ITIH2: variants seen among roughly 807,000 people sequenced by gnomAD.
ITIH2 encodes the protein inter-alpha-trypsin inhibitor heavy chain 2, also known as inter-alpha-trypsin inhibitor heavy chain H2.
ITIH2 carries 103 observed loss-of-function variants against 104.4 expected under a neutral mutation model. The ratio of observed to expected loss-of-function variants is 0.99; its 90% CI spans 0.84 to 1.16. ITIH2 has a LOEUF of 1.16. Among genes scored for constraint, ITIH2 ranks in the 50% most tolerant of loss-of-function variants. The probability of loss-of-function intolerance (pLI) is 0.00; values close to 1 mark genes in which losing one functional copy is unlikely to be tolerated. For missense variants in ITIH2, 1,108 were observed against 1,162.4 expected (o/e 0.95, Z 0.68); for synonymous variants, 436 against 435.4 (o/e 1.00, Z -0.02).
intron 4 of ITIH2, among the ~76,000 whole-genome samples, chr10:7,709,461 C>A (rs1451057726): frequency 1.3e-5 from 2 of 151,960 alleles, no homozygotes; most frequent in South Asian, 2.1e-4. Flanking sequence ...AATATACTTT[C>A]TAGGGAGGAG....
chr10:7,723,690 A>G, intron 9 of ITIH2, 123 bp downstream of exon 9: 1 of 701,836 alleles, frequency 1.4e-6, no homozygotes, highest in Non-Finnish European at 2.5e-6. Flanking sequence ...CTGTGGTTAC[A>G]GACTGCCGGT....
chr10:7,722,790 C>G (rs1834916616), intron 8 of ITIH2, among the ~76,000 whole-genome samples: 1 of 152,190 alleles, frequency 6.6e-6, no homozygotes, highest in African/African-American at 2.4e-5. Flanking sequence ...CTTGCCGAGC[C>G]CTTTACTTCC....
intron 1 of ITIH2, 39 bp from the exon 2 acceptor site, chr10:7,705,069 A>AT: frequency 1.5e-6 from 2 of 1,344,224 alleles, no homozygotes; most frequent in Non-Finnish European, 2.1e-6. Flanking sequence ...TTACAGTATA[A>AT]TTAAAAAAAA....
intron 4 of ITIH2, 57 bp from the exon 5 acceptor site, chr10:7,713,124 G>GAA: frequency 7.2e-7 from 1 of 1,379,602 alleles, no homozygotes; most frequent in Non-Finnish European, 1.0e-6. Flanking sequence ...CATCTCGAGG[G>GAA]GAAAAAAAAA....
chr10:7,705,179 T>G lies in ITIH2; in HGVS notation c.156T>G (p.Tyr52Ter). The G allele has an allele frequency of 6.2e-7, 1 of 1,606,136 alleles. No individual in the cohort carries two copies. Among genetic ancestry groups the G allele is most frequent in the Non-Finnish European group, 8.5e-7 (1 of 1,173,090 alleles). ...AATTGGTGGCAGAGAACCGGAGATATCAGGTATAGTAAGGTTTACTCCCAA... is the reference window on the plus strand; with the variant it reads ...AATTGGTGGCAGAGAACCGGAGATAGCAGGTATAGTAAGGTTTACTCCCAA... ...KFQLVAENRR[Y>*]QRSLPGESEE... Residue 52 changes from tyrosine to a stop codon, truncating the protein, a stop_gained, in exon 2 of 21, where the codon TAT (tyrosine) becomes TAG (stop). Transcript: ENST00000358415. LOFTEE classifies it high-confidence loss of function.
In ITIH2 at chr10:7,703,361, T is replaced by C; in HGVS notation, c.-74T>C. 1 of 964,700 alleles carries C rather than the reference T, an allele frequency of 1.0e-6. No individual in the cohort carries two copies. 59.8% of individuals were successfully genotyped at this position (964,700 alleles called of 1,614,324 possible). ...GTACTCCTCTGCTGTTCCTTTGAACTTGGTTCAGTAGGAAGAAGTGATATC... is the reference window on the plus strand; with the variant it reads ...GTACTCCTCTGCTGTTCCTTTGAACCTGGTTCAGTAGGAAGAAGTGATATC... On this transcript the variant is annotated 5_prime_UTR_variant, in exon 1 of 21. Transcript: ENST00000358415.
chr10:7,739,319 C>G (rs183366686), intron 16 of ITIH2, among the ~76,000 whole-genome samples: 4 of 152,204 alleles, frequency 2.6e-5, no homozygotes, highest in Non-Finnish European at 5.9e-5. Flanking sequence ...TCTTTCCTTA[C>G]TTTCCTTTTG....
intron 6 of ITIH2, among the ~76,000 whole-genome samples, chr10:7,719,922 G>A (rs989732125): frequency 7.1e-6 from 1 of 140,960 alleles, no homozygotes; most frequent in Non-Finnish European, 1.5e-5. Flanking sequence ...TTGGAGACTC[G>A]AAAGTGTGGG....
intron 6 of ITIH2, 81 bp from the exon 7 acceptor site, chr10:7,720,775 A>C (rs1021389490): frequency 1.3e-5 from 11 of 837,956 alleles, no homozygotes; most frequent in Admixed American, 1.1e-4. Context: ...GCATCAGAGG[A>C]CTTATTTGTA....
intron 4 of ITIH2, among the ~76,000 whole-genome samples, chr10:7,712,949 TCTCTACTAAA>T (rs763273800): frequency 0.082 from 12,400 of 151,942 alleles, 544 homozygotes; most frequent in African/African-American, 0.1. Context: ...CGAAACCCAA[TCTCTACTAAA>T]AATACAAAAA....
intron 4 of ITIH2, 61 bp from the exon 5 acceptor site, chr10:7,713,120 G>C (rs889460644): frequency 1.5e-6 from 2 of 1,337,474 alleles, no homozygotes; most frequent in South Asian, 1.2e-5. Flanking sequence ...ACTCCATCTC[G>C]AGGGGAAAAA....
chr10:7,738,694 G>C lies in ITIH2; in HGVS notation c.2031G>C (p.Val677=). The change falls in exon 16 of 21, where the codon GTG becomes GTC. Residue 677 remains valine (V), a synonymous_variant. Transcript: ENST00000358415. The stretch of plus-strand genomic sequence containing the variant: ...GGGCCAATCCTTCACCAACGCCCGT[G>C]ATCTCCATGCTGGCACAAGGATCTC... ...PSWANPSPTP[V]ISMLAQGSQV... is the part of the protein sequence containing the mutation. 2 of 1,613,692 alleles carry C rather than the reference G, an allele frequency of 1.2e-6. No individual in the cohort carries two copies. Among genetic ancestry groups the C allele is most frequent in the South Asian group, 1.1e-5 (1 of 91,078 alleles).
chr10:7,732,968 C>T (rs1479061925), intron 14 of ITIH2, among the ~76,000 whole-genome samples: 2 of 152,178 alleles, frequency 1.3e-5, no homozygotes, highest in East Asian at 3.9e-4. Context: ...ACCTCGTGAT[C>T]CACCCGAGTG....
At chr10:7,741,881 T>C (rs943112820) in intron 16 of ITIH2, among the ~76,000 whole-genome samples, 7 of 152,216 alleles carry the variant, frequency 4.6e-5, no homozygotes, top group Non-Finnish European at 1.0e-4. Flanking sequence ...CCTCATTCTG[T>C]ACACTCAGAA....
At chr10:7,714,393 C>G (rs903342262) in intron 5 of ITIH2, among the ~76,000 whole-genome samples, 2 of 151,848 alleles carry the variant, frequency 1.3e-5, no homozygotes, top group African/African-American at 4.8e-5. Flanking sequence ...AGGATGGTCT[C>G]GATCTCCTGA....
At chr10:7,705,264 T>G in intron 2 of ITIH2, 82 bp downstream of exon 2, 1 of 967,634 alleles carries the variant, frequency 1.0e-6, no homozygotes, top group Admixed American at 2.0e-5. Context: ...AGATGCCTTC[T>G]GCTAGATTTT....
intron 4 of ITIH2, among the ~76,000 whole-genome samples, chr10:7,709,518 G>A (rs111358035): frequency 1.6e-4 from 25 of 152,064 alleles, no homozygotes; most frequent in Admixed American, 3.3e-4. Flanking sequence ...ACATAAGAGC[G>A]TGTGCACAGC....
intron 11 of ITIH2, among the ~76,000 whole-genome samples, chr10:7,729,312 CAA>C (rs112737005): frequency 7.2e-6 from 1 of 138,112 alleles, no homozygotes. Flanking sequence ...GACTCTGTCT[CAA>C]AAAAAAAAAC....
At chr10:7,710,348 A>G (rs1246395287) in intron 4 of ITIH2, among the ~76,000 whole-genome samples, 3 of 152,252 alleles carry the variant, frequency 2.0e-5, no homozygotes, top group Non-Finnish European at 4.4e-5. Flanking sequence ...AACAGTTAAT[A>G]CCAGTTATCC....
Sources: allele counts gnomAD v4.1 joint callset (sites outside exome capture counted in the v4.1 genomes callset), GRCh38; gene constraint gnomAD v4.1.1; transcripts MANE v1.5; gene names NCBI Gene and HGNC (gene_info 2026-07-23, HGNC 2026-07-21).